Variants in LINGO2 observed in about 807,000 individuals in gnomAD.
The protein encoded by LINGO2 is leucine-rich repeat and immunoglobulin-like domain-containing nogo receptor-interacting protein 2.
LINGO2 carries 14 observed loss-of-function variants against 30.6 expected under a neutral mutation model. The ratio of observed to expected loss-of-function variants is 0.46; its 90% confidence interval spans 0.30 to 0.72. The LOEUF (loss-of-function observed/expected upper bound fraction) is 0.72, where lower values mean the gene tolerates loss of function less well. LINGO2 is among the 30% of genes least tolerant of loss of function. The pLI is 0.07. For missense variants in LINGO2, 729 were observed against 751.7 expected (o/e 0.97, Z 0.35); for synonymous variants, 317 against 288.5 (o/e 1.10, Z -1.00).
intron 1 of LINGO2, among the ~76,000 whole-genome samples, chr9:28,596,610 G>T (rs947947037): frequency 1.3e-5 from 2 of 152,118 alleles, no homozygotes; most frequent in African/African-American, 4.8e-5. Flanking sequence ...ATAAACAAGA[G>T]AATCCAACTG....
chr9:28,276,316 A>AT (rs1340798480), intron 4 of LINGO2, among the ~76,000 whole-genome samples: 1 of 151,952 alleles, frequency 6.6e-6, no homozygotes, highest in Admixed American at 6.6e-5. Context: ...GACCACACAT[A>AT]TTTTTTTCTT....
At chr9:28,214,219 G>A (rs1820689355) in intron 4 of LINGO2, among the ~76,000 whole-genome samples, 1 of 151,448 alleles carries the variant, frequency 6.6e-6, no homozygotes, top group South Asian at 2.1e-4. Flanking sequence ...ATACTTTCAT[G>A]CAGAAAAGCA....
At chr9:28,220,491 T>A (rs1216031745) in intron 4 of LINGO2, among the ~76,000 whole-genome samples, 1 of 152,126 alleles carries the variant, frequency 6.6e-6, no homozygotes, top group East Asian at 1.9e-4. Flanking sequence ...GCTATGGATA[T>A]TTTTTTAGAA....
chr9:29,123,484 T>G, the LINGO2 span, among the ~76,000 whole-genome samples: 1 of 152,000 alleles, frequency 6.6e-6, no homozygotes, highest in Non-Finnish European at 1.5e-5. Flanking sequence ...CCTGAGGCTT[T>G]AATAAGCTTT....
At chr9:28,506,522 A>ATATATATATATATAT (rs1564250917) in intron 1 of LINGO2, among the ~76,000 whole-genome samples, 1 of 136,456 alleles carries the variant, frequency 7.3e-6, no homozygotes, top group Non-Finnish European at 1.6e-5. Flanking sequence ...ATATATATAT[A>ATATATATATATATAT]AACTGTTGGG....
At chr9:28,847,747 T>TTA in the LINGO2 span, among the ~76,000 whole-genome samples, 1 of 90,486 alleles carries the variant, frequency 1.1e-5, no homozygotes, top group Admixed American at 1.2e-4. Flanking sequence ...TATATATATG[T>TTA]TATATATATA....
the LINGO2 span, among the ~76,000 whole-genome samples, chr9:29,184,123 T>C: frequency 6.6e-6 from 1 of 152,250 alleles, no homozygotes; most frequent in East Asian, 1.9e-4. Context: ...TATGGAAACA[T>C]TCTTGCTCAA....
chr9:28,351,187 T>C (rs1271279709), intron 3 of LINGO2, among the ~76,000 whole-genome samples: 1 of 150,086 alleles, frequency 6.7e-6, no homozygotes, highest in Admixed American at 6.6e-5. Flanking sequence ...CAAAAAACCC[T>C]TCAAAAAATT....
At chr9:28,435,296 A>C (rs1410557810) in intron 2 of LINGO2, among the ~76,000 whole-genome samples, 1 of 152,232 alleles carries the variant, frequency 6.6e-6, no homozygotes, top group East Asian at 1.9e-4. Context: ...ATAATTTAAC[A>C]CTCTAGTACC....
At chr9:28,526,443 A>C (rs532504336) in intron 1 of LINGO2, among the ~76,000 whole-genome samples, 1 of 152,312 alleles carries the variant, frequency 6.6e-6, no homozygotes, top group Non-Finnish European at 1.5e-5. Flanking sequence ...TTAGAAATGT[A>C]TTAGCCTTTC....
intron 1 of LINGO2, among the ~76,000 whole-genome samples, chr9:28,573,637 T>C (rs1051591656): frequency 7.9e-5 from 12 of 152,204 alleles, no homozygotes; most frequent in African/African-American, 2.9e-4. Context: ...TACAGTTTTC[T>C]GCTAGGAGCT....
the LINGO2 span, among the ~76,000 whole-genome samples, chr9:28,788,831 G>A: frequency 3.3e-5 from 5 of 152,178 alleles, no homozygotes; most frequent in Non-Finnish European, 7.3e-5. Context: ...GGATTGTGGG[G>A]AGTATGGGGA....
intron 2 of LINGO2, among the ~76,000 whole-genome samples, chr9:28,458,851 A>G (rs1824958028): frequency 6.6e-6 from 1 of 152,178 alleles, no homozygotes; most frequent in Non-Finnish European, 1.5e-5. Flanking sequence ...CAAAAAATCC[A>G]TACTCTAAAA....
the LINGO2 span, among the ~76,000 whole-genome samples, chr9:29,048,597 A>G: frequency 5.3e-5 from 8 of 152,190 alleles, no homozygotes; most frequent in African/African-American, 1.9e-4. Context: ...TAACCAAAAC[A>G]GCATGTTACT....
At chr9:28,213,802 A>C (rs2133868798) in intron 4 of LINGO2, among the ~76,000 whole-genome samples, 1 of 151,674 alleles carries the variant, frequency 6.6e-6, no homozygotes, top group East Asian at 1.9e-4. Flanking sequence ...TACCTCTGAA[A>C]AAATGGCTTT....
intron 1 of LINGO2, among the ~76,000 whole-genome samples, chr9:28,558,074 C>T (rs1822839001): frequency 6.7e-6 from 1 of 149,360 alleles, no homozygotes; most frequent in African/African-American, 2.5e-5. Context: ...TGCAGCACAC[C>T]AGCATGGCAC....
chr9:28,751,971 G>A, the LINGO2 span, among the ~76,000 whole-genome samples: 336 of 151,904 alleles, frequency 2.2e-3, 7 homozygotes, highest in African/African-American at 7.6e-3. Flanking sequence ...AATAGCTCTC[G>A]TCCACACCTT....
At chr9:28,607,775 T>C (rs1331080349) in intron 1 of LINGO2, among the ~76,000 whole-genome samples, 1 of 151,952 alleles carries the variant, frequency 6.6e-6, no homozygotes, top group Non-Finnish European at 1.5e-5. Flanking sequence ...GTCAATTCCT[T>C]ATAGCAATCA....
At chr9:27,965,542 T>C (rs932503048) in intron 5 of LINGO2, among the ~76,000 whole-genome samples, 2 of 152,094 alleles carry the variant, frequency 1.3e-5, no homozygotes, top group Admixed American at 6.6e-5. Context: ...CATGAATTCA[T>C]CTTGTATTCC....
Sources: allele counts gnomAD v4.1 joint callset (sites outside exome capture counted in the v4.1 genomes callset), GRCh38; gene constraint gnomAD v4.1.1; transcripts MANE v1.5; gene names NCBI Gene and HGNC (gene_info 2026-07-23, HGNC 2026-07-21).